Variants in ERMAP observed in about 807,000 individuals in gnomAD.
ERMAP encodes the protein erythroid membrane-associated protein.
Under a neutral mutation model 49.5 loss-of-function variants are expected in ERMAP, and 34 were observed. The ratio of observed to expected loss-of-function variants is 0.69; its 90% CI spans 0.52 to 0.91. The LOEUF (loss-of-function observed/expected upper bound fraction) is 0.91, where lower values mean the gene tolerates loss of function less well. Among genes scored for constraint, ERMAP ranks in the 40% least tolerant of loss-of-function variants. ERMAP has a pLI of 0.00. For synonymous variants in ERMAP, 214 were observed against 232.2 expected, an observed-to-expected ratio of 0.92 and a Z score of 0.71; for missense variants, 541 against 582.6, an observed-to-expected ratio of 0.93 and a Z score of 0.74.
Position 42,819,190 on chromosome 1 carries a change from TGTGTGTGTGTGTGTGTGC to T in ERMAP, c.-122+1939_-122+1956del, listed in dbSNP as rs1654337643. ...AGGAGCGTGTGTGTGTGTGTGTGTG[TGTGTGTGTGTGTGTGTGC>T]GCGCGCGCAAGAGAGGGACCGAGAG... On this transcript the variant is annotated intron_variant, in intron 1 of 11. Transcript: ENST00000372517. The surrounding 1 kb of genome is among the most constrained non-coding windows in gnomAD (Gnocchi z 5.1). Among the ~76,000 whole-genome samples, 4 of 144,874 alleles carry T rather than the reference TGTGTGTGTGTGTGTGTGC, an allele frequency of 2.8e-5. No homozygotes were observed. Among genetic ancestry groups the T allele is most frequent in the Admixed American group, 7.0e-5 (1 of 14,228 alleles).
rs565230188 is a variant in ERMAP, at chr1:42,820,240, C to T, written c.-122+2987C>T. Among the ~76,000 whole-genome samples, 19 of 152,048 alleles carry T rather than the reference C, an allele frequency of 1.2e-4. No individual in the cohort carries two copies. In the South Asian group the frequency reaches 3.5e-3, roughly 28 times the overall value. The stretch of plus-strand genomic sequence containing the variant: ...GTTAATTTGTTTAGGATATTTTTCT[C>T]CTTTATCCTTGATGTTCTGAACGTT... On this transcript the variant is annotated intron_variant, in intron 1 of 11. Coordinates refer to ENST00000372517, the MANE Select transcript of ERMAP (RefSeq NM_001017922.2).
At chr1:42,842,070 C>T (rs2124363665) in intron 11 of ERMAP, 1 of 163,584 alleles carries the variant, frequency 6.1e-6, no homozygotes, top group South Asian at 1.7e-4. Flanking sequence ...GACAAAGTGC[C>T]CTGACCTGCT....
In ERMAP at chr1:42,825,716, A is replaced by G. The variant is rs1226778616; in HGVS notation, c.-28A>G. 7.8e-7 allele frequency: 1 copy of G among 1,289,298 alleles called. No homozygotes were observed. Among genetic ancestry groups the G allele is most frequent in the Non-Finnish European group, 1.0e-6 (1 of 988,888 alleles). The allele number at this position is 1,289,298 out of a possible 1,614,324, so 79.9% of individuals were successfully genotyped here. ...CTCCAGCTTTGCCTGTGAGAGGAAC[A>G]AGCGTCCCTGATCCAGAAGGTGGTG... is the stretch of plus-strand genomic sequence containing the variant. On this transcript the variant is annotated 5_prime_UTR_variant, in exon 2 of 12. Coordinates refer to ENST00000372517, the MANE Select transcript of ERMAP (RefSeq NM_001017922.2).
intron 2 of ERMAP, among the ~76,000 whole-genome samples, chr1:42,829,115 G>A (rs1334109391): frequency 6.6e-6 from 1 of 152,172 alleles, no homozygotes; most frequent in African/African-American, 2.4e-5. Context: ...GGGTGGGACA[G>A]TCACAAAAAA....
chr1:42,836,403 TG>T (rs1190415784), intron 6 of ERMAP, among the ~76,000 whole-genome samples: 1 of 151,200 alleles, frequency 6.6e-6, no homozygotes, highest in African/African-American at 2.4e-5. Flanking sequence ...ACTGGGGAGT[TG>T]AGGAGGTGCA....
intron 1 of ERMAP, among the ~76,000 whole-genome samples, chr1:42,818,177 C>T (rs1321519133): frequency 6.6e-6 from 1 of 152,208 alleles, no homozygotes; most frequent in African/African-American, 2.4e-5. Context: ...ATGAACTCAG[C>T]CCAGATGGAC....
intron 4 of ERMAP, among the ~76,000 whole-genome samples, chr1:42,832,917 GCA>G (rs1654789290): frequency 6.6e-6 from 1 of 152,250 alleles, no homozygotes; most frequent in Non-Finnish European, 1.5e-5. Context: ...CTGCTGGTGT[GCA>G]GATAGGTGGG....
At chr1:42,832,179 A>ATTTTTTTTTT (rs75673269) in intron 4 of ERMAP, among the ~76,000 whole-genome samples, 1 of 96,760 alleles carries the variant, frequency 1.0e-5, no homozygotes, top group African/African-American at 4.8e-5. Flanking sequence ...GTGAAAATTA[A>ATTTTTTTTTT]TTTTTTTTTT....
chr1:42,837,260 C>A, intron 7 of ERMAP, 70 bp downstream of exon 7: 1 of 1,490,372 alleles, frequency 6.7e-7, no homozygotes, highest in Non-Finnish European at 9.3e-7. Context: ...TAAATGTTGA[C>A]AGTCATTATT....
chr1:42,840,435 A>G lies in ERMAP; in HGVS notation c.712+139A>G, dbSNP rs1227325386. The G allele has an allele frequency of 8.1e-6, 8 of 986,040 alleles. No homozygotes were observed. In the African/African-American group the frequency reaches 1.3e-4, roughly 16 times the overall value. 61.1% of individuals were successfully genotyped at this position (986,040 alleles called of 1,614,324 possible). A position where few individuals can be genotyped will look rare whatever the true frequency, so the allele number is the denominator to read the frequency against. On this transcript the variant is annotated intron_variant, in intron 11 of 11. Coordinates refer to ENST00000372517, the MANE Select transcript of ERMAP (RefSeq NM_001017922.2). ...ATCAAATCTGTATATCTGACTATCA[A>G]ATTAAAAAAATCTTTGTGATCGATC...
rs1353107157 is a variant in ERMAP at position 42,838,910 on chromosome 1, A to G, written c.626A>G (p.His209Arg). The change falls in exon 8 of 12, where the codon CAT (histidine) becomes CGT (arginine). Residue 209 changes from histidine to arginine, a missense_variant. Physicochemically the swap from His to Arg is conservative, Grantham distance 29. Coordinates refer to ENST00000372517, the MANE Select transcript of ERMAP (RefSeq NM_001017922.2). ...SDHAKEKGKLHKAVKKLRSEL... is the reference protein window; with the variant it reads ...SDHAKEKGKLRKAVKKLRSEL... ...TCTTTCTGGTTTTTAGGAAAACTCC[A>G]TAAAGCTGTCAGTAAGTTTTGCTCC... is the stretch of plus-strand genomic sequence containing the variant. 1.2e-6 allele frequency: 2 copies of G among 1,614,118 alleles called. No individual in the cohort carries two copies. The highest frequency in any genetic ancestry group is 1.3e-5 in the African/African-American group (1 of 74,952).
intron 6 of ERMAP, 80 bp from the exon 7 acceptor site, chr1:42,837,078 G>A: frequency 6.8e-7 from 1 of 1,465,142 alleles, no homozygotes; most frequent in Non-Finnish European, 9.6e-7. Flanking sequence ...ACAGGTCCAA[G>A]GGCAGGTAAA....
chr1:42,817,314 T>A, intron 1 of ERMAP, 61 bp downstream of exon 1: 1 of 1,145,936 alleles, frequency 8.7e-7, no homozygotes, highest in Non-Finnish European at 1.1e-6. Flanking sequence ...CCCCTCGTCC[T>A]GGGCGGGGCC....
intron 1 of ERMAP, among the ~76,000 whole-genome samples, chr1:42,825,183 T>C (rs1156348332): frequency 1.3e-5 from 2 of 152,110 alleles, no homozygotes; most frequent in Non-Finnish European, 2.9e-5. Context: ...TTATCACATG[T>C]TGGAAAACAG....
chr1:42,837,066 G>GA, intron 6 of ERMAP, 92 bp from the exon 7 acceptor site: 1 of 1,319,506 alleles, frequency 7.6e-7, no homozygotes, highest in Non-Finnish European at 1.1e-6. Context: ...AGATAGAGGT[G>GA]GACAGGTCCA....
In ERMAP at chr1:42,830,769, C is replaced by T. The variant is rs1321175900; in HGVS notation, c.87C>T (p.Gly29=). Residue 29 remains glycine (G), a splice_region_variant and synonymous_variant, in exon 4 of 12, where the codon GGC becomes GGT. Transcript: ENST00000372517. ...VFLRLSVHVS[G]HAGDAGKFHV... is the part of the protein sequence containing the mutation. ...GGCCTTGTCTCTTTTTTTGTCCAGG[C>T]CACGCAGGGGATGCCGGCAAGTTCC... is the stretch of plus-strand genomic sequence containing the variant. 4 of 1,532,158 alleles carry T rather than the reference C, an allele frequency of 2.6e-6. No homozygotes were observed. In the Admixed American group the frequency reaches 6.1e-5, roughly 23 times the overall value. The allele number at this position is 1,532,158 out of a possible 1,614,324, so 94.9% of individuals were successfully genotyped here.
chr1:42,830,207 C>T (rs1200923223), intron 2 of ERMAP: 1 of 549,076 alleles, frequency 1.8e-6, no homozygotes, highest in African/African-American at 1.9e-5. Context: ...TCAACCCTCA[C>T]CATAATCCCA....
chr1:42,835,828 A>G, intron 6 of ERMAP, 64 bp downstream of exon 6: 2 of 1,570,802 alleles, frequency 1.3e-6, no homozygotes, highest in Non-Finnish European at 8.6e-7. Flanking sequence ...TGTGCCCCCC[A>G]TACCCACTAA....
intron 1 of ERMAP, among the ~76,000 whole-genome samples, chr1:42,820,315 G>A (rs910731643): frequency 2.6e-5 from 4 of 150,958 alleles, no homozygotes; most frequent in South Asian, 2.1e-4. Flanking sequence ...CTAAGCACTC[G>A]GTGGCCCCTT....
Sources: allele counts gnomAD v4.1 joint callset (sites outside exome capture counted in the v4.1 genomes callset), GRCh38; gene constraint gnomAD v4.1.1; non-coding constraint Gnocchi (gnomAD v3.1); transcripts MANE v1.5; gene names NCBI Gene and HGNC (gene_info 2026-07-23, HGNC 2026-07-21).